Variants in PDE8A observed in about 807,000 individuals in gnomAD.
PDE8A encodes phosphodiesterase 8A, also known as high affinity cAMP-specific and IBMX-insensitive 3',5'-cyclic phosphodiesterase 8A.
A neutral mutation model predicts 105.0 loss-of-function variants in PDE8A; 59 were observed. The observed-to-expected ratio is 0.56, with a 90% CI of 0.46 to 0.70. The LOEUF (loss-of-function observed/expected upper bound fraction) is 0.70, where lower values mean the gene tolerates loss of function less well. Ranked by LOEUF, PDE8A falls within the 30% of genes least tolerant of loss-of-function variation. The pLI, the probability that PDE8A is intolerant of heterozygous loss-of-function variation, is 0.00. For missense variants in PDE8A, 1,014 were observed against 1,045.9 expected (o/e 0.97, Z 0.42); for synonymous variants, 355 against 371.9 (o/e 0.95, Z 0.52).
intron 1 of PDE8A, among the ~76,000 whole-genome samples, chr15:85,016,636 G>T (rs1478589910): frequency 1.3e-5 from 2 of 152,088 alleles, no homozygotes; most frequent in Non-Finnish European, 2.9e-5. Context: ...GTTCTTGCTT[G>T]TTTGTTTTTA....
intron 4 of PDE8A, 56 bp from the exon 5 acceptor site, chr15:85,076,677 G>A (rs1361911368): frequency 1.0e-6 from 1 of 999,264 alleles, no homozygotes; most frequent in African/African-American, 1.6e-5. Context: ...GAGTAAAAGA[G>A]GTGAGATGTA....
intron 5 of PDE8A, among the ~76,000 whole-genome samples, chr15:85,079,097 CTCTG>C (rs1457047288): frequency 6.6e-6 from 1 of 152,188 alleles, no homozygotes; most frequent in African/African-American, 2.4e-5. Flanking sequence ...TTCTCTGGCT[CTCTG>C]TCTTTCTTTA....
At chr15:85,065,320 T>G (rs1007365060) in intron 2 of PDE8A, among the ~76,000 whole-genome samples, 10 of 99,696 alleles carry the variant, frequency 1.0e-4, no homozygotes, top group African/African-American at 3.7e-4. Flanking sequence ...TATCACACTC[T>G]GGGGACTGTG....
chr15:85,110,222 G>A (rs2082001877), intron 12 of PDE8A, among the ~76,000 whole-genome samples: 1 of 152,170 alleles, frequency 6.6e-6, no homozygotes, highest in Admixed American at 6.5e-5. Flanking sequence ...CAGGGCTGAG[G>A]TCCCTGCCCA....
At chr15:85,026,837 G>A (rs940810549) in intron 1 of PDE8A, among the ~76,000 whole-genome samples, 6 of 152,242 alleles carry the variant, frequency 3.9e-5, no homozygotes, top group Non-Finnish European at 7.4e-5. Context: ...GAACAACAGA[G>A]TGCCTCATGT....
chr15:85,083,393 G>T (rs574619146), intron 5 of PDE8A, among the ~76,000 whole-genome samples, 163 bp from the exon 6 acceptor site: 4 of 151,908 alleles, frequency 2.6e-5, no homozygotes, highest in Non-Finnish European at 5.9e-5. Context: ...AAGCTAATCT[G>T]GTGCCCATAA....
intron 20 of PDE8A, among the ~76,000 whole-genome samples, chr15:85,131,596 A>G (rs2082330706): frequency 6.6e-6 from 1 of 152,234 alleles, no homozygotes; most frequent in African/African-American, 2.4e-5. Flanking sequence ...TTATATGTCC[A>G]TTAACATTTA....
intron 5 of PDE8A, among the ~76,000 whole-genome samples, chr15:85,079,855 G>C (rs1295098735): frequency 6.6e-6 from 1 of 152,116 alleles, no homozygotes; most frequent in African/African-American, 2.4e-5. Context: ...GGAGGTTGCA[G>C]TGAGCTGAGA....
chr15:85,121,254 A>C (rs1274180992), intron 18 of PDE8A, among the ~76,000 whole-genome samples: 1 of 151,006 alleles, frequency 6.6e-6, no homozygotes, highest in African/African-American at 2.4e-5. Context: ...TGTCTCTACA[A>C]AAGGAAAAAA....
intron 1 of PDE8A, among the ~76,000 whole-genome samples, chr15:85,001,436 T>C (rs888355678): frequency 6.6e-6 from 1 of 152,170 alleles, no homozygotes; most frequent in Non-Finnish European, 1.5e-5. Flanking sequence ...AAGTCATGCA[T>C]GCTCAGAGGA....
intron 18 of PDE8A, 143 bp downstream of exon 18, chr15:85,121,157 A>T: frequency 1.7e-6 from 1 of 592,244 alleles, no homozygotes. Flanking sequence ...GCTCATGCCT[A>T]TAATCCCAGC....
chr15:85,072,554 G>A (rs2081326728), intron 3 of PDE8A, among the ~76,000 whole-genome samples: 1 of 152,100 alleles, frequency 6.6e-6, no homozygotes, highest in African/African-American at 2.4e-5. Flanking sequence ...CCTTTTTCCT[G>A]CTATCTGGAA....
chr15:85,064,788 A>G (rs1309376973), intron 2 of PDE8A, among the ~76,000 whole-genome samples: 1 of 152,106 alleles, frequency 6.6e-6, no homozygotes, highest in African/African-American at 2.4e-5. Context: ...CAACATAGGG[A>G]GACCCAGTTT....
chr15:85,095,892 TTTTTTG>T (rs1278076336), intron 8 of PDE8A, among the ~76,000 whole-genome samples: 3 of 149,390 alleles, frequency 2.0e-5, no homozygotes, highest in East Asian at 1.9e-4. Context: ...TATATATATA[TTTTTTG>T]TTTTTGTTTT....
upstream of PDE8A, among the ~76,000 whole-genome samples, chr15:84,981,739 C>T (rs1358621034): frequency 1.3e-5 from 2 of 151,132 alleles, no homozygotes; most frequent in African/African-American, 2.4e-5. Context: ...GCCGGGAGCT[C>T]GCCTCCCCCG....
At chr15:85,077,755 A>G (rs1453919975) in intron 5 of PDE8A, among the ~76,000 whole-genome samples, 1 of 152,226 alleles carries the variant, frequency 6.6e-6, no homozygotes, top group African/African-American at 2.4e-5. Context: ...AGGTAAAGAA[A>G]TAAAAGATAA....
intron 1 of PDE8A, among the ~76,000 whole-genome samples, chr15:85,005,661 A>G (rs1336385120): frequency 6.6e-6 from 1 of 152,236 alleles, no homozygotes; most frequent in Non-Finnish European, 1.5e-5. Context: ...CCCAGGACAC[A>G]GACACCTTAT....
Position 85,136,595 on chromosome 15 carries a change from G to A in PDE8A, c.2315G>A (p.Cys772Tyr). The change falls in exon 21 of 22, where the codon TGC (cysteine) becomes TAC (tyrosine). Residue 772 changes from cysteine (C) to tyrosine (Y), a missense_variant. By Grantham distance (194) the Cys-to-Tyr change is radical. Coordinates refer to ENST00000394553, the MANE Select transcript of PDE8A (RefSeq NM_002605.3). ...VVMPVFDRNT[C>Y]SIPKSQISFI... ...ATGCCAGTGTTTGACAGAAATACCTGCAGCATCCCCAAATCCCAAATCTCT... is the reference window on the plus strand; with the variant it reads ...ATGCCAGTGTTTGACAGAAATACCTACAGCATCCCCAAATCCCAAATCTCT... The A allele has an allele frequency of 6.2e-7, 1 of 1,613,512 alleles. No homozygotes were observed. Among genetic ancestry groups the A allele is most frequent in the East Asian group, 2.2e-5 (1 of 44,876 alleles).
At chr15:85,015,465 C>T (rs555513812) in intron 1 of PDE8A, among the ~76,000 whole-genome samples, 1 of 152,158 alleles carries the variant, frequency 6.6e-6, no homozygotes, top group Non-Finnish European at 1.5e-5. Context: ...GCCTCAGCCT[C>T]CCAAAGTGCT....
Sources: gnomAD v4.1 joint callset for allele counts (sites outside exome capture counted in the v4.1 genomes callset) on GRCh38, gnomAD v4.1.1 for gene constraint, MANE v1.5 for transcripts, NCBI Gene and HGNC (gene_info 2026-07-23, HGNC 2026-07-21) for gene names.